The following IGSF10 variants were observed in gnomAD, a reference collection of about 807,000 sequenced individuals.
IGSF10 encodes immunoglobulin superfamily member 10, also known as calvaria mechanical force protein 608.
Under a neutral mutation model 128.2 loss-of-function variants are expected in IGSF10, and 126 were observed. That is an observed-to-expected ratio of 0.98 (90% confidence interval 0.85 to 1.14). The LOEUF is 1.14. Among genes scored for constraint, IGSF10 ranks in the 50% most tolerant of loss-of-function variants. IGSF10 has a pLI of 0.00. For missense variants in IGSF10, 3,295 were observed against 3,149.8 expected (o/e 1.05, Z -1.10); for synonymous variants, 1,185 against 1,146.2 (o/e 1.03, Z -0.68).
the IGSF10 span, among the ~76,000 whole-genome samples, chr3:151,595,742 G>A: frequency 6.7e-6 from 1 of 149,836 alleles, no homozygotes; most frequent in Non-Finnish European, 1.5e-5. Flanking sequence ...AAAAAAAAAG[G>A]TGAAGTACAT....
the IGSF10 span, among the ~76,000 whole-genome samples, chr3:151,490,957 A>G: frequency 2.3e-3 from 351 of 152,258 alleles, no homozygotes; most frequent in African/African-American, 7.6e-3. Flanking sequence ...GTCTCAAGGA[A>G]CTATATAAAA....
chr3:151,495,723 G>A, the IGSF10 span, among the ~76,000 whole-genome samples: 3 of 152,166 alleles, frequency 2.0e-5, no homozygotes, highest in South Asian at 6.2e-4. Flanking sequence ...AGCCAGAGGG[G>A]AGAAGGGGAA....
the IGSF10 span, among the ~76,000 whole-genome samples, chr3:151,592,205 ATTG>A: frequency 6.8e-6 from 1 of 146,742 alleles, no homozygotes; most frequent in East Asian, 2.0e-4. Context: ...AGAAGTGTTT[ATTG>A]TTTTGAGATT....
the IGSF10 span, among the ~76,000 whole-genome samples, chr3:151,601,576 T>C: frequency 6.6e-6 from 1 of 152,214 alleles, no homozygotes. Flanking sequence ...TAGACTGCTT[T>C]ACTTGGGGCC....
In IGSF10 at chr3:151,438,398, C is replaced by T. The variant is rs1720576608; in HGVS notation, c.6163G>A (p.Asp2055Asn). ...YFRKQVLHGK[D>N]FQVDCKASGS... is the part of the protein sequence containing the mutation. The stretch of plus-strand genomic sequence containing the variant: ...GAAGCTTTGCAATCTACTTGGAAAT[C>T]TTTCCCATGGAGCACTTGCTTTCTA... The change falls in exon 8 of 8, where the codon GAT becomes AAT. Residue 2055 changes from aspartate (D) to asparagine (N), a missense_variant. Asp to Asn is a conservative substitution (Grantham distance 23). Coordinates refer to ENST00000282466, the MANE Select transcript of IGSF10 (RefSeq NM_178822.5). 3.7e-6 allele frequency: 6 copies of T among 1,614,082 alleles called. No homozygotes were observed. The highest frequency in any genetic ancestry group is 1.6e-4 in the Middle Eastern group (1 of 6,084).
At chr3:151,442,378 CTAT>C (rs1186685676) in intron 7 of IGSF10, among the ~76,000 whole-genome samples, 25 of 61,264 alleles carry the variant, frequency 4.1e-4, no homozygotes, top group African/African-American at 1.8e-3. Flanking sequence ...TATACAATTA[CTAT>C]TTTTTTTTTT....
At chr3:151,513,129 C>T in the IGSF10 span, among the ~76,000 whole-genome samples, 4 of 152,232 alleles carry the variant, frequency 2.6e-5, no homozygotes, top group African/African-American at 4.8e-5. Context: ...CCAGCATCAT[C>T]CTGATACCAA....
the IGSF10 span, among the ~76,000 whole-genome samples, chr3:151,590,309 G>C: frequency 1.1e-4 from 16 of 151,952 alleles, no homozygotes; most frequent in African/African-American, 3.9e-4. Flanking sequence ...CAAAGTGCTG[G>C]GATTAAAGGC....
intron 2 of IGSF10, among the ~76,000 whole-genome samples, chr3:151,459,652 A>C (rs546762663): frequency 6.6e-6 from 1 of 152,204 alleles, no homozygotes; most frequent in Admixed American, 6.5e-5. Context: ...CCAGGGAAGA[A>C]ATATGCTCAG....
At chr3:151,472,712 T>TG in the IGSF10 span, among the ~76,000 whole-genome samples, 4 of 152,204 alleles carry the variant, frequency 2.6e-5, no homozygotes, top group Non-Finnish European at 5.9e-5. Context: ...AACTAAGTAC[T>TG]GCAAGGCTTT....
chr3:151,579,599 A>T, the IGSF10 span, among the ~76,000 whole-genome samples: 1 of 151,800 alleles, frequency 6.6e-6, no homozygotes, highest in Admixed American at 6.6e-5. Flanking sequence ...AACAAAAAGT[A>T]AAGAAAAAAA....
At chr3:151,506,012 G>A in the IGSF10 span, among the ~76,000 whole-genome samples, 62 of 151,422 alleles carry the variant, frequency 4.1e-4, no homozygotes, top group South Asian at 2.1e-3. Context: ...GTACAGTGGT[G>A]TTGATCTCAG....
At chr3:151,505,066 A>G in the IGSF10 span, among the ~76,000 whole-genome samples, 2 of 152,192 alleles carry the variant, frequency 1.3e-5, no homozygotes, top group South Asian at 4.2e-4. Context: ...ATGCTTCCAC[A>G]TTTTTGGGTA....
chr3:151,471,591 T>C, the IGSF10 span, among the ~76,000 whole-genome samples: 23 of 152,218 alleles, frequency 1.5e-4, no homozygotes, highest in Non-Finnish European at 2.9e-5. Flanking sequence ...TTTATACAGA[T>C]AGCAGATGCG....
At chr3:151,554,521 A>G in the IGSF10 span, among the ~76,000 whole-genome samples, 1 of 147,846 alleles carries the variant, frequency 6.8e-6, no homozygotes, top group South Asian at 2.1e-4. Context: ...ATAGTTCATT[A>G]CCTATTTTAT....
chr3:151,463,711 C>T (rs958565357), upstream of IGSF10, among the ~76,000 whole-genome samples: 5 of 151,430 alleles, frequency 3.3e-5, no homozygotes, highest in South Asian at 2.1e-4. Context: ...CATGGCTGGG[C>T]GCAGTGGCTC....
the IGSF10 span, among the ~76,000 whole-genome samples, chr3:151,503,680 T>C: frequency 6.6e-6 from 1 of 152,178 alleles, no homozygotes; most frequent in Non-Finnish European, 1.5e-5. Flanking sequence ...ACAGAGGAAT[T>C]GCAGCAGATA....
chr3:151,566,774 T>A, the IGSF10 span, among the ~76,000 whole-genome samples: 1 of 152,304 alleles, frequency 6.6e-6, no homozygotes, highest in East Asian at 1.9e-4. Flanking sequence ...CTGAATAGGT[T>A]AACAGCCACA....
chr3:151,441,433 G>T (rs905095326), intron 7 of IGSF10, among the ~76,000 whole-genome samples: 19 of 152,008 alleles, frequency 1.2e-4, no homozygotes, highest in African/African-American at 4.6e-4. Context: ...GGTGATTTTT[G>T]ATGACATTTG....
Sources: gnomAD v4.1 joint callset for allele counts (sites outside exome capture counted in the v4.1 genomes callset) on GRCh38, gnomAD v4.1.1 for gene constraint, MANE v1.5 for transcripts, NCBI Gene and HGNC (gene_info 2026-07-23, HGNC 2026-07-21) for gene names.